The following ALPK2 variants were observed in gnomAD, a reference collection of about 807,000 sequenced individuals.
ALPK2 encodes alpha kinase 2.
Under a neutral mutation model 163.1 loss-of-function variants are expected in ALPK2, and 127 were observed. The observed-to-expected ratio is 0.78, with a 90% CI of 0.67 to 0.90. The LOEUF (loss-of-function observed/expected upper bound fraction) is 0.90, where lower values mean the gene tolerates loss of function less well. ALPK2 is among the 40% of genes least tolerant of loss of function. ALPK2 has a pLI of 0.00. For missense variants in ALPK2, 2,360 were observed against 2,589.6 expected (o/e 0.91, Z 1.92); for synonymous variants, 953 against 959.1 (o/e 0.99, Z 0.12).
intron 8 of ALPK2, among the ~76,000 whole-genome samples, chr18:58,517,851 CT>C (rs1226949657): frequency 6.6e-6 from 1 of 151,650 alleles, no homozygotes; most frequent in African/African-American, 2.4e-5. Flanking sequence ...AAAGAATTGC[CT>C]TTGAAGAGAA....
chr18:58,511,168 G>A (rs1365440580), intron 10 of ALPK2, among the ~76,000 whole-genome samples: 1 of 152,152 alleles, frequency 6.6e-6, no homozygotes, highest in Non-Finnish European at 1.5e-5. Flanking sequence ...TGTTGGTTCT[G>A]TTTATATGCT....
rs368331809 is a variant in ALPK2, at chr18:58,579,765, C to T, written c.1011G>A (p.Thr337=). ...LEYLECSDVM[T]DYSNAVWQRN... ...TTTGCCAAACTGCATTAGAGTAATC[C>T]GTCATAACATCAGAACATTCCAGAT... Residue 337 remains threonine (T), a synonymous_variant, in exon 4 of 13, where the codon ACG becomes ACA. Transcript: ENST00000361673. The T allele has an allele frequency of 7.9e-5, 128 of 1,614,174 alleles. No individual in the cohort carries two copies. Among genetic ancestry groups the T allele is most frequent in the Middle Eastern group, 1.6e-4 (1 of 6,062 alleles).
chr18:58,614,174 G>C (rs2052151601), intron 1 of ALPK2, among the ~76,000 whole-genome samples: 1 of 152,220 alleles, frequency 6.6e-6, no homozygotes, highest in Non-Finnish European at 1.5e-5. Flanking sequence ...GTGACATGGT[G>C]GCACTGAAAA....
chr18:58,579,552 T>C lies in ALPK2; in HGVS notation c.1224A>G (p.Gln408=), dbSNP rs780341270. 44 of 1,613,522 alleles carry C rather than the reference T, an allele frequency of 2.7e-5. No individual in the cohort carries two copies. The Middle Eastern group carries it at 5.0e-4, about 18-fold the overall frequency. ...CTCTGCTGCTCCTCACCCCAACTTCTTGGGGTTGTGAGTGATGACCACAGA... is the reference window on the plus strand; with the variant it reads ...CTCTGCTGCTCCTCACCCCAACTTCCTGGGGTTGTGAGTGATGACCACAGA... The part of the protein sequence containing the change: ...AGFCGHHSQP[Q]EVGVRSSRVS... Residue 408 remains glutamine (Q), a synonymous_variant, in exon 4 of 13, where the codon CAA becomes CAG. Transcript: ENST00000361673.
intron 2 of ALPK2, 121 bp downstream of exon 2, chr18:58,611,568 C>G (rs996016652): frequency 1.0e-5 from 9 of 873,302 alleles, no homozygotes; most frequent in Non-Finnish European, 1.7e-5. Flanking sequence ...ATTGATTACA[C>G]AGAAAAAAAA....
intron 1 of ALPK2, among the ~76,000 whole-genome samples, chr18:58,618,049 A>G (rs2052179324): frequency 6.6e-6 from 1 of 152,072 alleles, no homozygotes; most frequent in African/African-American, 2.4e-5. Context: ...CATTAAAAAT[A>G]TATATATATT....
intron 3 of ALPK2, among the ~76,000 whole-genome samples, chr18:58,600,055 G>A (rs1393662181): frequency 3.8e-4 from 7 of 18,368 alleles, no homozygotes; most frequent in African/African-American, 2.3e-4. Flanking sequence ...TTTTTTTTTT[G>A]AGACAGAGTC....
intron 4 of ALPK2, among the ~76,000 whole-genome samples, chr18:58,549,430 A>G (rs2051737950): frequency 6.6e-6 from 1 of 152,242 alleles, no homozygotes; most frequent in Admixed American, 6.5e-5. Flanking sequence ...TGGAAGGAAA[A>G]ATAACAATTC....
chr18:58,491,048 T>G (rs1387563305), intron 12 of ALPK2, among the ~76,000 whole-genome samples: 1 of 152,238 alleles, frequency 6.6e-6, no homozygotes, highest in Non-Finnish European at 1.5e-5. Flanking sequence ...TCGCCCACTG[T>G]CCTAAGCCCC....
At chr18:58,513,087 G>A (rs536348428) in intron 10 of ALPK2, among the ~76,000 whole-genome samples, 1 of 145,262 alleles carries the variant, frequency 6.9e-6, no homozygotes, top group East Asian at 2.1e-4. Flanking sequence ...GTTTGTGTGT[G>A]GTGTGTGTGT....
intron 4 of ALPK2, among the ~76,000 whole-genome samples, chr18:58,565,107 A>G (rs964492771): frequency 6.6e-6 from 1 of 152,114 alleles, no homozygotes; most frequent in Admixed American, 6.5e-5. Context: ...TTCTAATTCT[A>G]TGTTGTTTTG....
At chr18:58,489,170 G>A (rs2051357808) in intron 12 of ALPK2, among the ~76,000 whole-genome samples, 1 of 152,162 alleles carries the variant, frequency 6.6e-6, no homozygotes, top group South Asian at 2.1e-4. Flanking sequence ...GGGTTTATCT[G>A]GCAGAGGGAA....
chr18:58,587,507 G>GA (rs1013640164), intron 3 of ALPK2, among the ~76,000 whole-genome samples: 3 of 151,974 alleles, frequency 2.0e-5, no homozygotes, highest in Admixed American at 6.5e-5. Context: ...CTAAAGAGCT[G>GA]AAAAAAAGTA....
rs111384935 is a variant in ALPK2, at chr18:58,537,815, A to G, written c.2372T>C (p.Val791Ala). ...TTCTCTGTCCCTTGGCTCATCACAC[A>G]CATTTTCCAGGGTGAGGGCAGTATC... ...PTDTALTLEN[V>A]CDEPRDREAV... is the part of the protein sequence containing the mutation. The change falls in exon 5 of 13, where the codon GTG (valine) becomes GCG (alanine). Residue 791 changes from valine to alanine, a missense_variant. By Grantham distance (64) the Val-to-Ala change is moderately conservative. Transcript: ENST00000361673. 1.2e-6 allele frequency: 2 copies of G among 1,614,080 alleles called. No homozygotes were observed. Among genetic ancestry groups the G allele is most frequent in the Non-Finnish European group, 1.7e-6 (2 of 1,180,018 alleles).
At chr18:58,594,899 C>T (rs2052033523) in intron 3 of ALPK2, among the ~76,000 whole-genome samples, 1 of 152,220 alleles carries the variant, frequency 6.6e-6, no homozygotes, top group Non-Finnish European at 1.5e-5. Flanking sequence ...TTGCAGTCCC[C>T]ATCTGTGCCC....
intron 12 of ALPK2, among the ~76,000 whole-genome samples, chr18:58,492,012 G>C (rs2051377404): frequency 6.6e-6 from 1 of 152,184 alleles, no homozygotes; most frequent in Non-Finnish European, 1.5e-5. Context: ...AGGGCTGCAG[G>C]GCCTTCCGTA....
chr18:58,566,189 A>C (rs1336042511), intron 4 of ALPK2, among the ~76,000 whole-genome samples: 3 of 152,252 alleles, frequency 2.0e-5, no homozygotes, highest in African/African-American at 7.2e-5. Flanking sequence ...GAGATCAAAT[A>C]ACATCAGTTT....
intron 3 of ALPK2, among the ~76,000 whole-genome samples, chr18:58,596,451 G>A (rs192300169): frequency 1.3e-5 from 2 of 152,224 alleles, no homozygotes; most frequent in African/African-American, 4.8e-5. Flanking sequence ...CTGTCAAGGA[G>A]CAGCTCCAAC....
chr18:58,483,929 A>G (rs1173217877), intron 12 of ALPK2, among the ~76,000 whole-genome samples: 3 of 150,856 alleles, frequency 2.0e-5, no homozygotes, highest in African/African-American at 7.3e-5. Flanking sequence ...CCTGTCATAG[A>G]CTCTCCTGGA....
Sources: allele counts gnomAD v4.1 joint callset (sites outside exome capture counted in the v4.1 genomes callset), GRCh38; gene constraint gnomAD v4.1.1; transcripts MANE v1.5; gene names NCBI Gene and HGNC (gene_info 2026-07-23, HGNC 2026-07-21).